The following NNT variants were observed in gnomAD, a reference collection of about 807,000 sequenced individuals.
NNT encodes the protein NAD(P) transhydrogenase, mitochondrial.
NNT carries 50 observed loss-of-function variants against 104.8 expected under a neutral mutation model. That is an observed-to-expected ratio of 0.48 (90% confidence interval 0.38 to 0.60). NNT has a LOEUF of 0.60. Among genes scored for constraint, NNT ranks in the 20% least tolerant of loss-of-function variants. NNT has a pLI of 0.00. For synonymous variants in NNT, 461 were observed against 490.4 expected (o/e 0.94, Z 0.79); for missense variants, 1,131 against 1,330.7 (o/e 0.85, Z 2.33).
chr5:43,634,044 T>G (rs1025260584), intron 7 of NNT, among the ~76,000 whole-genome samples: 12 of 152,214 alleles, frequency 7.9e-5, no homozygotes, highest in African/African-American at 2.9e-4. Context: ...TTATGCCATA[T>G]GTACTTGTGT....
intron 17 of NNT, among the ~76,000 whole-genome samples, chr5:43,671,178 T>A (rs1307344754): frequency 6.6e-6 from 1 of 152,206 alleles, no homozygotes; most frequent in Non-Finnish European, 1.5e-5. Flanking sequence ...TATGCGTGTC[T>A]CTGCATGTGA....
At chr5:43,658,930 CA>C (rs1288789983) in intron 16 of NNT, among the ~76,000 whole-genome samples, 1 of 152,000 alleles carries the variant, frequency 6.6e-6, no homozygotes, top group Non-Finnish European at 1.5e-5. Context: ...TGCTTTTCAT[CA>C]CTGAAAAGTG....
At chr5:43,684,844 T>C (rs1741900451) in intron 19 of NNT, among the ~76,000 whole-genome samples, 1 of 152,212 alleles carries the variant, frequency 6.6e-6, no homozygotes, top group Admixed American at 6.6e-5. Flanking sequence ...GTCTATCATA[T>C]TTTTCACAGG....
rs2111934904 is a variant in NNT at position 43,655,979 on chromosome 5, A to T, written c.2199A>T (p.Ala733=). 1 of 1,614,226 alleles carries T rather than the reference A, an allele frequency of 6.2e-7. No homozygotes were observed. Among genetic ancestry groups the T allele is most frequent in the African/African-American group, 1.3e-5 (1 of 75,072 alleles). ...IIEYPHFATD[A]AANLTKIVAY... Reference sequence around the variant, plus strand: ...AATATCCACATTTTGCTACGGATGCAGCAGCAAATCTCACCAAGATTGTGG... The same window carrying T: ...AATATCCACATTTTGCTACGGATGCTGCAGCAAATCTCACCAAGATTGTGG... The change falls in exon 15 of 22, where the codon GCA becomes GCT. Residue 733 remains alanine, a synonymous_variant. Transcript: ENST00000344920.
intron 19 of NNT, among the ~76,000 whole-genome samples, chr5:43,690,137 G>C (rs1204473038): frequency 6.6e-6 from 1 of 151,908 alleles, no homozygotes; most frequent in Non-Finnish European, 1.5e-5. Context: ...GCTAGAGATC[G>C]ACACATCCAA....
At chr5:43,684,880 A>G (rs2112152921) in intron 19 of NNT, among the ~76,000 whole-genome samples, 1 of 152,338 alleles carries the variant, frequency 6.6e-6, no homozygotes, top group Middle Eastern at 3.4e-3. Flanking sequence ...AATGTAAAAA[A>G]ATACTGAATA....
At chr5:43,692,368 G>A (rs1742332440) in intron 19 of NNT, among the ~76,000 whole-genome samples, 1 of 152,010 alleles carries the variant, frequency 6.6e-6, no homozygotes, top group South Asian at 2.1e-4. Context: ...TTCTCGCCCA[G>A]GCTGGAGTGC....
chr5:43,651,106 C>T (rs1215300195), intron 12 of NNT, among the ~76,000 whole-genome samples: 2 of 152,142 alleles, frequency 1.3e-5, no homozygotes, highest in African/African-American at 4.8e-5. Flanking sequence ...ATGTAACAAC[C>T]TACTAGGAAA....
In NNT at chr5:43,684,380, T is replaced by C. The variant is rs569624033; in HGVS notation, c.2876+6574T>C. Among the ~76,000 whole-genome samples, 130 of 152,274 alleles carry C rather than the reference T, an allele frequency of 8.5e-4. 2 individuals carry two copies. The highest frequency in any genetic ancestry group is 2.9e-3 in the African/African-American group (120 of 41,576). On this transcript the variant is annotated intron_variant, in intron 19 of 21. Coordinates refer to ENST00000344920, the MANE Select transcript of NNT (RefSeq NM_182977.3). ...TCTAGGAAGTTAAATGAACACTTTTTTTTCACTATGAATTATATGAGTGAA... is the reference window on the plus strand; with the variant it reads ...TCTAGGAAGTTAAATGAACACTTTTCTTTCACTATGAATTATATGAGTGAA...
rs1742953600 is a variant in NNT, at chr5:43,703,279, G to A, written c.3111+543G>A. Among the ~76,000 whole-genome samples the A allele has an allele frequency of 2.0e-5, 3 of 152,206 alleles. No individual in the cohort carries two copies. In the South Asian group the frequency reaches 6.2e-4, roughly 31 times the overall value. On this transcript the variant is annotated intron_variant, in intron 21 of 21. Transcript: ENST00000344920. ...TAGATTTTAGATAACTCAAAGGCTT[G>A]TAAATTTTCCTCTGCCTCAGCAGTA...
At chr5:43,603,778 T>C (rs989233299) in intron 1 of NNT, among the ~76,000 whole-genome samples, 1 of 151,758 alleles carries the variant, frequency 6.6e-6, no homozygotes, top group Non-Finnish European at 1.5e-5. Flanking sequence ...GCTTGACCCT[T>C]GAGGGAGTTC....
chr5:43,614,909 G>A (rs4991952), intron 3 of NNT, among the ~76,000 whole-genome samples: 71,934 of 151,818 alleles, frequency 0.47, 17,783 homozygotes, highest in Middle Eastern at 0.63. Context: ...AGGCCGAGGC[G>A]GGTGGATCAT....
intron 9 of NNT, 37 bp from the exon 10 acceptor site, chr5:43,645,320 G>T: frequency 2.9e-6 from 4 of 1,358,566 alleles, no homozygotes; most frequent in South Asian, 4.3e-5. Flanking sequence ...ATGCTGGATT[G>T]ACTTTTTAAT....
intron 1 of NNT, among the ~76,000 whole-genome samples, chr5:43,605,522 C>CAA (rs70997416): frequency 0.21 from 7,704 of 37,552 alleles, 1,974 homozygotes; most frequent in Middle Eastern, 0.24. Flanking sequence ...GACTCCGTCT[C>CAA]AAAAAAAAAA....
intron 18 of NNT, among the ~76,000 whole-genome samples, chr5:43,676,634 G>A (rs1488219674): frequency 6.6e-6 from 1 of 152,194 alleles, no homozygotes; most frequent in Non-Finnish European, 1.5e-5. Flanking sequence ...ACCCAAAGTA[G>A]CATTGGTCTT....
At chr5:43,621,212 A>C (rs1336718612) in intron 5 of NNT, among the ~76,000 whole-genome samples, 1 of 152,220 alleles carries the variant, frequency 6.6e-6, no homozygotes, top group Non-Finnish European at 1.5e-5. Context: ...GCGGCCCAAC[A>C]CAAATTTGTT....
intron 17 of NNT, among the ~76,000 whole-genome samples, chr5:43,661,389 TTTTATTTA>T (rs372098953): frequency 0.059 from 8,917 of 151,152 alleles, 504 homozygotes; most frequent in African/African-American, 0.14. Context: ...AGAAAGTGGC[TTTTATTTA>T]TTTATTTATT....
chr5:43,658,570 G>C (rs1472061334), intron 16 of NNT, among the ~76,000 whole-genome samples: 1 of 152,180 alleles, frequency 6.6e-6, no homozygotes, highest in African/African-American at 2.4e-5. Context: ...GTGGGGGGCA[G>C]CTGAAATCTA....
intron 2 of NNT, among the ~76,000 whole-genome samples, chr5:43,611,718 C>A (rs1749509042): frequency 6.6e-6 from 1 of 152,106 alleles, no homozygotes; most frequent in South Asian, 2.1e-4. Context: ...GGGATAATTT[C>A]ATTCATTTTG....
Sources: gnomAD v4.1 joint callset for allele counts (sites outside exome capture counted in the v4.1 genomes callset) on GRCh38, gnomAD v4.1.1 for gene constraint, MANE v1.5 for transcripts, NCBI Gene and HGNC (gene_info 2026-07-23, HGNC 2026-07-21) for gene names.